VSIG10: variants seen among roughly 807,000 people sequenced by gnomAD.
VSIG10 encodes V-set and immunoglobulin domain containing 10.
VSIG10 carries 48 observed loss-of-function variants against 58.7 expected under a neutral mutation model. That is an observed-to-expected ratio of 0.82 (90% confidence interval 0.65 to 1.04). VSIG10 has a LOEUF of 1.04. Ranked by LOEUF, VSIG10 falls within the 50% of genes least tolerant of loss-of-function variation. The pLI is 0.00. For missense variants in VSIG10, 628 were observed against 670.0 expected, an observed-to-expected ratio of 0.94 and a Z score of 0.69; for synonymous variants, 260 against 267.1, an observed-to-expected ratio of 0.97 and a Z score of 0.26.
At chr12:118,103,471 A>C in intron 1 of VSIG10, 122 bp downstream of exon 1, 1 of 1,010,392 alleles carries the variant, frequency 9.9e-7, no homozygotes, top group African/African-American at 1.7e-5. Flanking sequence ...CTCCTGGGGC[A>C]GCTTCTAGGC....
At chr12:118,078,816 G>A (rs2032826859) in intron 4 of VSIG10, among the ~76,000 whole-genome samples, 1 of 151,590 alleles carries the variant, frequency 6.6e-6, no homozygotes, top group Admixed American at 6.6e-5. Context: ...GTGCACGCCT[G>A]TAGTCCCAGC....
chr12:118,102,157 G>C (rs965144286), intron 1 of VSIG10: 1 of 152,200 alleles, frequency 6.6e-6, no homozygotes, highest in Admixed American at 6.6e-5. Context: ...CCCATGGGGC[G>C]GGTGGCAGTC....
intron 1 of VSIG10, 45 bp from the exon 2 acceptor site, chr12:118,095,859 A>T: frequency 6.4e-7 from 1 of 1,556,994 alleles, no homozygotes. Context: ...CTTAATTTCT[A>T]AACAATGTCC....
chr12:118,088,202 G>A (rs1425172533), intron 2 of VSIG10, among the ~76,000 whole-genome samples: 3 of 149,092 alleles, frequency 2.0e-5, no homozygotes, highest in African/African-American at 7.5e-5. Context: ...CCGAGCCATT[G>A]CACTCCAGCC....
intron 3 of VSIG10, among the ~76,000 whole-genome samples, chr12:118,080,731 C>T (rs544404268): frequency 7.2e-4 from 109 of 152,230 alleles, no homozygotes; most frequent in Non-Finnish European, 1.2e-3. Context: ...TCAATATAGA[C>T]GAACCTCAAA....
At chr12:118,081,071 T>A (rs949861963) in intron 3 of VSIG10, among the ~76,000 whole-genome samples, 1 of 151,844 alleles carries the variant, frequency 6.6e-6, no homozygotes, top group Non-Finnish European at 1.5e-5. Context: ...GGAGACCCTG[T>A]CTCTACTAAA....
intron 4 of VSIG10, among the ~76,000 whole-genome samples, chr12:118,078,928 G>A (rs2032831374): frequency 1.1e-5 from 1 of 93,600 alleles, no homozygotes; most frequent in African/African-American, 5.1e-5. Flanking sequence ...AACAGAGCAA[G>A]ACTCTGCCTA....
chr12:118,064,276 T>C lies in VSIG10; in HGVS notation c.*2363A>G, dbSNP rs1455195260. ...GTGACAGCAGTCACAGCTCAGCTGG[T>C]CAAAGGTTTATAGTGTTTGACACCA... On this transcript the variant is annotated 3_prime_UTR_variant, in exon 9 of 9. Coordinates refer to ENST00000359236, the MANE Select transcript of VSIG10 (RefSeq NM_019086.6). 6.6e-6 allele frequency: 1 copy of C among 152,198 alleles called. No individual in the cohort carries two copies. Among genetic ancestry groups the C allele is most frequent in the Non-Finnish European group, 1.5e-5 (1 of 68,046 alleles). 9.4% of individuals were successfully genotyped at this position (152,198 alleles called of 1,614,324 possible). A position where few individuals can be genotyped will look rare whatever the true frequency, so the allele number is the denominator to read the frequency against.
At chr12:118,095,388 T>A in intron 2 of VSIG10, 145 bp downstream of exon 2, 2 of 1,020,940 alleles carry the variant, frequency 2.0e-6, no homozygotes, top group Non-Finnish European at 2.8e-6. Flanking sequence ...AATAGAGGTG[T>A]GAGAGGTCCC....
intron 2 of VSIG10, among the ~76,000 whole-genome samples, chr12:118,092,628 TTTTC>T (rs911935576): frequency 4.1e-5 from 3 of 73,656 alleles, no homozygotes; most frequent in East Asian, 2.6e-4. Flanking sequence ...TTTCATATGA[TTTTC>T]TTTTTCTTTT....
In VSIG10 at chr12:118,066,581, G is replaced by C; in HGVS notation, c.*58C>G. 6.3e-7 allele frequency: 1 copy of C among 1,576,236 alleles called. No homozygotes were observed. On this transcript the variant is annotated 3_prime_UTR_variant, in exon 9 of 9. Transcript: ENST00000359236. The stretch of plus-strand genomic sequence containing the variant: ...GGAGTCAAAGCTGAATGAAGAGCTC[G>C]TCTTCAATGTAGCTCTCCAAGCTTT...
chr12:118,098,729 G>A (rs1444806787), intron 1 of VSIG10, among the ~76,000 whole-genome samples: 1 of 152,094 alleles, frequency 6.6e-6, no homozygotes, highest in African/African-American at 2.4e-5. Context: ...AAAAGGTGAG[G>A]ATGGGTTCCC....
At chr12:118,068,019 T>C (rs1399158747) in intron 8 of VSIG10, among the ~76,000 whole-genome samples, 1 of 135,754 alleles carries the variant, frequency 7.4e-6, no homozygotes, top group African/African-American at 2.8e-5. Flanking sequence ...CAGAGGTTTG[T>C]GGGCTTTTTT....
chr12:118,095,347 A>G (rs1299101975), intron 2 of VSIG10, among the ~76,000 whole-genome samples, 186 bp downstream of exon 2: 1 of 152,094 alleles, frequency 6.6e-6, no homozygotes, highest in African/African-American at 2.4e-5. Context: ...GGCCACAGAA[A>G]TTCTTTTTAT....
At chr12:118,078,244 C>T (rs565000020) in intron 4 of VSIG10, among the ~76,000 whole-genome samples, 10 of 152,256 alleles carry the variant, frequency 6.6e-5, no homozygotes, top group South Asian at 2.1e-4. Context: ...CTGGAAGCTC[C>T]GCCTCCTGGG....
intron 2 of VSIG10, among the ~76,000 whole-genome samples, chr12:118,085,852 C>G (rs1476595982): frequency 2.1e-5 from 1 of 47,902 alleles, no homozygotes; most frequent in Non-Finnish European, 4.2e-5. Context: ...GACTTCGTCT[C>G]AAAAAAAAAA....
At chr12:118,093,965 A>C (rs80236665) in intron 2 of VSIG10, among the ~76,000 whole-genome samples, 6,821 of 152,258 alleles carry the variant, frequency 0.045, 197 homozygotes, top group Middle Eastern at 0.11. Context: ...GCTACACTTG[A>C]CAAAGCAGGC....
Position 118,064,080 on chromosome 12 carries a change from A to C in VSIG10, c.*2559T>G, listed in dbSNP as rs1342598317. On this transcript the variant is annotated 3_prime_UTR_variant, in exon 9 of 9. Transcript: ENST00000359236. ...GCAGATAAGATTTTTTTTAAAGCACAGTGTAACAACTTGGACTTTGCCACA... is the reference window on the plus strand; with the variant it reads ...GCAGATAAGATTTTTTTTAAAGCACCGTGTAACAACTTGGACTTTGCCACA... 1 of 152,248 alleles carries C rather than the reference A, an allele frequency of 6.6e-6. No individual in the cohort carries two copies. Among genetic ancestry groups the C allele is most frequent in the Non-Finnish European group, 1.5e-5 (1 of 68,048 alleles). 9.4% of individuals were successfully genotyped at this position (152,248 alleles called of 1,614,324 possible).
intron 1 of VSIG10, among the ~76,000 whole-genome samples, chr12:118,096,844 G>A (rs1017241548): frequency 1.3e-4 from 19 of 151,762 alleles, no homozygotes; most frequent in Non-Finnish European, 1.5e-5. Context: ...TTCGAGACCA[G>A]CCTGGCCAAC....
Sources: gnomAD v4.1 joint callset for allele counts (sites outside exome capture counted in the v4.1 genomes callset) on GRCh38, gnomAD v4.1.1 for gene constraint, MANE v1.5 for transcripts, NCBI Gene and HGNC (gene_info 2026-07-23, HGNC 2026-07-21) for gene names.